SORCS1: variants seen among roughly 807,000 people sequenced by gnomAD.
SORCS1 encodes sortilin related VPS10 domain containing receptor 1.
Under a neutral mutation model 146.1 loss-of-function variants are expected in SORCS1, and 60 were observed. That is an observed-to-expected ratio of 0.41 (90% confidence interval 0.33 to 0.51). SORCS1 has a LOEUF of 0.51. Ranked by LOEUF, SORCS1 falls within the 20% of genes least tolerant of loss-of-function variation. The pLI is 0.21. For missense variants in SORCS1, 1,352 were observed against 1,487.6 expected, an observed-to-expected ratio of 0.91 and a Z score of 1.50; for synonymous variants, 637 against 584.0, an observed-to-expected ratio of 1.09 and a Z score of -1.31.
intron 1 of SORCS1, among the ~76,000 whole-genome samples, chr10:106,964,802 T>C (rs1955424615): frequency 6.6e-6 from 1 of 151,640 alleles, no homozygotes. Context: ...TTTTTAGATA[T>C]AGGGTCTTGC....
At chr10:106,891,504 C>CGTTTTTTTTTTTTTTTTTTTTTTTTTT (rs1951230796) in intron 2 of SORCS1, among the ~76,000 whole-genome samples, 5 of 97,260 alleles carry the variant, frequency 5.1e-5, no homozygotes, top group Non-Finnish European at 1.1e-4. Context: ...AATGGGAATT[C>CGTTTTTTTTTTTTTTTTTTTTTTTTTT]TTTTTTTTTT....
intron 2 of SORCS1, among the ~76,000 whole-genome samples, chr10:106,948,537 A>T: frequency 6.6e-6 from 1 of 151,982 alleles, no homozygotes. Flanking sequence ...AATCTGGCAC[A>T]GTGGTGTGTA....
intron 3 of SORCS1, among the ~76,000 whole-genome samples, chr10:106,799,360 A>T (rs1030137820): frequency 6.6e-6 from 1 of 152,240 alleles, no homozygotes; most frequent in Non-Finnish European, 1.5e-5. Flanking sequence ...CAATGGCAAC[A>T]AAAGCCAAAA....
chr10:107,030,259 G>C (rs902283031), intron 1 of SORCS1, among the ~76,000 whole-genome samples: 9 of 152,140 alleles, frequency 5.9e-5, no homozygotes, highest in African/African-American at 2.2e-4. Context: ...GTCATTTATT[G>C]AGAATGCCTA....
intron 2 of SORCS1, among the ~76,000 whole-genome samples, chr10:106,940,286 C>A (rs1424235906): frequency 6.6e-6 from 1 of 152,132 alleles, no homozygotes; most frequent in Non-Finnish European, 1.5e-5. Context: ...TGAATTAAAC[C>A]CACAGATGAC....
intron 25 of SORCS1, chr10:106,579,067 TG>T (rs764050163): frequency 6.2e-7 from 1 of 1,612,572 alleles, no homozygotes; most frequent in Non-Finnish European, 8.5e-7. Context: ...GCCGAACAGC[TG>T]GTGGCTACTG....
chr10:106,886,461 A>G (rs1409304958), intron 2 of SORCS1, among the ~76,000 whole-genome samples: 1 of 152,112 alleles, frequency 6.6e-6, no homozygotes, highest in East Asian at 1.9e-4. Flanking sequence ...ACACACACAC[A>G]CACTCTCTGT....
At chr10:106,716,506 A>C (rs912674203) in intron 6 of SORCS1, among the ~76,000 whole-genome samples, 1 of 152,212 alleles carries the variant, frequency 6.6e-6, no homozygotes, top group African/African-American at 2.4e-5. Flanking sequence ...CTGCTGCCAA[A>C]ACAAAACAAA....
chr10:106,597,340 T>C lies in SORCS1; in HGVS notation c.3265+11A>G, dbSNP rs1845966791. 1.9e-6 allele frequency: 3 copies of C among 1,612,020 alleles called. No individual in the cohort carries two copies. Among genetic ancestry groups the C allele is most frequent in the African/African-American group, 1.3e-5 (1 of 74,882 alleles). The stretch of plus-strand genomic sequence containing the variant: ...AGCCACCAGCCAGAACCCCGGGACA[T>C]GGACACTGACCCGCTGTTAAGTGAG... On this transcript the variant is annotated intron_variant, in intron 24 of 25. Coordinates refer to ENST00000263054, the MANE Select transcript of SORCS1 (RefSeq NM_052918.5).
At chr10:106,766,717 C>T (rs1158410711) in intron 4 of SORCS1, among the ~76,000 whole-genome samples, 1 of 152,086 alleles carries the variant, frequency 6.6e-6, no homozygotes, top group Non-Finnish European at 1.5e-5. Flanking sequence ...CAACCCTGCC[C>T]CAATAGATTT....
At chr10:106,962,331 G>A (rs1251729750) in intron 1 of SORCS1, among the ~76,000 whole-genome samples, 1 of 136,440 alleles carries the variant, frequency 7.3e-6, no homozygotes, top group Non-Finnish European at 1.5e-5. Context: ...GGAGGTAGAG[G>A]TTGTGGTGAG....
chr10:107,004,316 G>A (rs1160466544), intron 1 of SORCS1, among the ~76,000 whole-genome samples: 1 of 151,386 alleles, frequency 6.6e-6, no homozygotes, highest in Non-Finnish European at 1.5e-5. Context: ...GTATTAGTCT[G>A]TTATCACACT....
At chr10:107,096,588 T>C (rs1358918237) in intron 1 of SORCS1, among the ~76,000 whole-genome samples, 1 of 152,196 alleles carries the variant, frequency 6.6e-6, no homozygotes, top group East Asian at 1.9e-4. Context: ...CTTGGCTCAC[T>C]GCAAGCTCCA....
At chr10:107,093,337 C>G (rs1338719910) in intron 1 of SORCS1, among the ~76,000 whole-genome samples, 1 of 152,180 alleles carries the variant, frequency 6.6e-6, no homozygotes. Context: ...TCATTATACC[C>G]TCTCCCCTTC....
intron 1 of SORCS1, among the ~76,000 whole-genome samples, chr10:107,145,079 A>T (rs1187206652): frequency 1.3e-5 from 2 of 152,212 alleles, no homozygotes; most frequent in Admixed American, 6.5e-5. Context: ...GGGGAGGTGT[A>T]AAAGCATTTA....
chr10:106,972,317 G>T (rs575052988), intron 1 of SORCS1, among the ~76,000 whole-genome samples: 2 of 149,866 alleles, frequency 1.3e-5, no homozygotes, highest in Non-Finnish European at 3.0e-5. Context: ...GGAGGCAGAG[G>T]TTGCAGTGAG....
chr10:107,127,280 A>G (rs1384481187), intron 1 of SORCS1, among the ~76,000 whole-genome samples: 3 of 152,040 alleles, frequency 2.0e-5, no homozygotes, highest in African/African-American at 7.3e-5. Flanking sequence ...CCTGGAACCA[A>G]TGAATGCACT....
At chr10:107,154,990 T>G (rs11193220) in intron 1 of SORCS1, among the ~76,000 whole-genome samples, 1 of 152,294 alleles carries the variant, frequency 6.6e-6, no homozygotes, top group Admixed American at 6.5e-5. Context: ...TAGTGGATAG[T>G]AGAGTCGGCA....
intron 1 of SORCS1, among the ~76,000 whole-genome samples, chr10:107,156,992 C>G (rs961766375): frequency 3.9e-5 from 6 of 152,174 alleles, no homozygotes; most frequent in African/African-American, 1.4e-4. Context: ...TTAAACAATG[C>G]CAAGAGCATG....
Sources: gnomAD v4.1 joint callset for allele counts (sites outside exome capture counted in the v4.1 genomes callset) on GRCh38, gnomAD v4.1.1 for gene constraint, MANE v1.5 for transcripts, NCBI Gene and HGNC (gene_info 2026-07-23, HGNC 2026-07-21) for gene names.